NCBP3: variants seen among roughly 807,000 people sequenced by gnomAD.
NCBP3 encodes nuclear cap binding subunit 3.
Under a neutral mutation model 75.7 loss-of-function variants are expected in NCBP3, and 20 were observed. That is an observed-to-expected ratio of 0.26 (90% CI 0.19 to 0.38). The LOEUF (loss-of-function observed/expected upper bound fraction) is 0.38, where lower values mean the gene tolerates loss of function less well. Ranked by LOEUF, NCBP3 falls within the 10% of genes least tolerant of loss-of-function variation. The probability of loss-of-function intolerance (pLI) is 1.00; values close to 1 mark genes in which losing one functional copy is unlikely to be tolerated. For synonymous variants in NCBP3, 293 were observed against 290.5 expected (o/e 1.01, Z -0.09); for missense variants, 678 against 796.9 (o/e 0.85, Z 1.80).
chr17:3,826,784 C>G (rs1567589053), intron 4 of NCBP3, among the ~76,000 whole-genome samples: 1 of 151,758 alleles, frequency 6.6e-6, no homozygotes, highest in African/African-American at 2.4e-5. Context: ...GAGGCCGAGC[C>G]AGGCGGATCA....
intron 12 of NCBP3, 64 bp from the exon 13 acceptor site, chr17:3,813,343 G>A: frequency 6.3e-7 from 1 of 1,583,584 alleles, no homozygotes; most frequent in Non-Finnish European, 8.6e-7. Context: ...AGCACTGAGG[G>A]GGCAGCAGCA....
rs1040936110 is a variant in NCBP3 at position 3,818,467 on chromosome 17, A to G, written c.1106T>C (p.Val369Ala). 6.2e-7 allele frequency: 1 copy of G among 1,613,384 alleles called. No homozygotes were observed. ...EDQDMDADDRVVVEYHEELPA... is the reference protein window; with the variant it reads ...EDQDMDADDRAVVEYHEELPA... ...GAGCTCCTCGTGGTACTCTACCACC[A>G]CTCTGTCATCTGCATCCATGTCCTG... The change falls in exon 10 of 13, where the codon GTG (valine) becomes GCG (alanine). Residue 369 changes from valine (V) to alanine (A), a missense_variant. Transcript: ENST00000389005. The surrounding 1 kb of genome is among the most constrained non-coding windows in gnomAD (Gnocchi z 4.7).
chr17:3,842,473 T>G (rs965891782), intron 2 of NCBP3, among the ~76,000 whole-genome samples: 2 of 152,134 alleles, frequency 1.3e-5, no homozygotes, highest in Non-Finnish European at 2.9e-5. Context: ...TTTTGTTTCA[T>G]TTCAAGTGGA....
Position 3,818,696 on chromosome 17 carries a change from TATCTATAATA to T in NCBP3, c.1001-134_1001-125del, listed in dbSNP as rs763440883. The T allele has an allele frequency of 3.7e-6, 4 of 1,070,756 alleles. No individual in the cohort carries two copies. Among genetic ancestry groups the T allele is most frequent in the Non-Finnish European group, 5.4e-6 (4 of 745,360 alleles). The allele number at this position is 1,070,756 out of a possible 1,614,324, so 66.3% of individuals were successfully genotyped here. A position where few individuals can be genotyped will look rare whatever the true frequency, so the allele number is the denominator to read the frequency against. ...CATCCCTGACATTTTATTGGAGCAC[TATCTATAATA>T]GTGCCAAATGGACATTACTCTGATA... On this transcript the variant is annotated intron_variant, in intron 9 of 12. Transcript: ENST00000389005. The surrounding 1 kb of genome is among the most constrained non-coding windows in gnomAD (Gnocchi z 4.7).
chr17:3,816,466 C>T (rs930860043), intron 10 of NCBP3, among the ~76,000 whole-genome samples, 196 bp from the exon 11 acceptor site: 1 of 152,212 alleles, frequency 6.6e-6, no homozygotes, highest in Admixed American at 6.5e-5. Context: ...GAGACTGGTT[C>T]TGGTGAGCAG....
chr17:3,808,839 G>A lies in NCBP3; in HGVS notation c.*4205C>T, dbSNP rs896775447. 2 of 152,190 alleles carry A rather than the reference G, an allele frequency of 1.3e-5. No individual in the cohort carries two copies. The highest frequency in any genetic ancestry group is 2.4e-5 in the African/African-American group (1 of 41,434). The allele number at this position is 152,190 out of a possible 1,614,324, so 9.4% of individuals were successfully genotyped here. ...TGAATTACTGGGCTCATGCGATCAG[G>A]AGTGTGGAATTTATTCTCGGGGCAA... On this transcript the variant is annotated 3_prime_UTR_variant, in exon 13 of 13. Transcript: ENST00000389005.
At chr17:3,826,890 G>A (rs2053797390) in intron 4 of NCBP3, among the ~76,000 whole-genome samples, 1 of 152,002 alleles carries the variant, frequency 6.6e-6, no homozygotes, top group South Asian at 2.1e-4. Context: ...GCGGGCGCCT[G>A]TGGTCCCAGC....
At chr17:3,845,518 TG>T (rs2054146778) in intron 1 of NCBP3, among the ~76,000 whole-genome samples, 1 of 152,084 alleles carries the variant, frequency 6.6e-6, no homozygotes, top group African/African-American at 2.4e-5. Context: ...GGGGGCAAGA[TG>T]ACCCCGAAGT....
Position 3,829,169 on chromosome 17 carries a change from A to G in NCBP3, c.481+74T>C, listed in dbSNP as rs1041769593. 11 of 1,494,708 alleles carry G rather than the reference A, an allele frequency of 7.4e-6. No homozygotes were observed. The East Asian group carries it at 2.5e-4, about 34-fold the overall frequency. The allele number at this position is 1,494,708 out of a possible 1,614,324, so 92.6% of individuals were successfully genotyped here. On this transcript the variant is annotated intron_variant, in intron 4 of 12. Transcript: ENST00000389005. ...CAAGTAGTATGGGCCAGAACCATTC[A>G]CCATCTCTGATGGCAAGAACTCTTG...
chr17:3,821,239 A>C lies in NCBP3; in HGVS notation c.1000+10T>G. ...ACATGTGTCTACCCAAGAGCTGAGC[A>C]GGCAACTACCAGAATGTCGATGTTT... On this transcript the variant is annotated intron_variant, in intron 9 of 12. Coordinates refer to ENST00000389005, the MANE Select transcript of NCBP3 (RefSeq NM_001114118.3). The C allele has an allele frequency of 6.3e-7, 1 of 1,599,104 alleles. No homozygotes were observed. Among genetic ancestry groups the C allele is most frequent in the Non-Finnish European group, 8.6e-7 (1 of 1,166,542 alleles).
rs1162061095 is a variant in NCBP3, at chr17:3,832,408, C to A, written c.356-3040G>T. On this transcript the variant is annotated intron_variant, in intron 3 of 12. Transcript: ENST00000389005. ...CAGCACTTTGGGAGGCCGGGGCGGG[C>A]AGATCACAAGGTCAGATCGAGACCA... 1.9e-4 allele frequency among the ~76,000 whole-genome samples: 22 copies of A among 117,550 alleles called. 2 individuals are homozygous for A. Among genetic ancestry groups the A allele is most frequent in the African/African-American group, 5.7e-4 (22 of 38,470 alleles). 77.1% of individuals were successfully genotyped at this position (117,550 alleles called of 152,430 possible).
In NCBP3 at chr17:3,809,948, G is replaced by C. The variant is rs2053384269; in HGVS notation, c.*3096C>G. On this transcript the variant is annotated 3_prime_UTR_variant, in exon 13 of 13. Coordinates refer to ENST00000389005, the MANE Select transcript of NCBP3 (RefSeq NM_001114118.3). ...TGATCCCATTTATATGAACTATCCA[G>C]AACAGGCAAATCCACAGAGAGAGAA... is the stretch of plus-strand genomic sequence containing the variant. 6.6e-6 allele frequency: 1 copy of C among 152,150 alleles called. No individual in the cohort carries two copies. Among genetic ancestry groups the C allele is most frequent in the African/African-American group, 2.4e-5 (1 of 41,408 alleles). 9.4% of individuals were successfully genotyped at this position (152,150 alleles called of 1,614,324 possible).
chr17:3,803,735 T>A lies in NCBP3; in HGVS notation c.*9309A>T, dbSNP rs897957141. The A allele has an allele frequency of 2.0e-5, 3 of 152,270 alleles. No individual in the cohort carries two copies. The highest frequency in any genetic ancestry group is 3.9e-4 in the East Asian group (2 of 5,192). The allele number at this position is 152,270 out of a possible 1,614,324, so 9.4% of individuals were successfully genotyped here. On this transcript the variant is annotated 3_prime_UTR_variant, in exon 13 of 13. Transcript: ENST00000389005. ...ATAAAGTTTTAAATATTTTAAAAAA[T>A]TTTTTTCTTTCTCCCCTTGATACCA... is the stretch of plus-strand genomic sequence containing the variant.
At chr17:3,837,936 CT>C (rs2054003214) in intron 3 of NCBP3, among the ~76,000 whole-genome samples, 1 of 151,692 alleles carries the variant, frequency 6.6e-6, no homozygotes. Flanking sequence ...ACCTTACTGC[CT>C]TTTTTAGGAA....
intron 7 of NCBP3, 43 bp downstream of exon 7, chr17:3,824,899 A>T (rs2072715484): frequency 8.8e-7 from 1 of 1,135,094 alleles, no homozygotes; most frequent in Admixed American, 2.4e-5. Context: ...ATAATAAATC[A>T]TTTTGATTGA....
chr17:3,838,542 G>A (rs919637138), intron 3 of NCBP3, among the ~76,000 whole-genome samples: 1 of 152,244 alleles, frequency 6.6e-6, no homozygotes, highest in African/African-American at 2.4e-5. Context: ...AGCTTCCAGA[G>A]TTCAGCTCTG....
intron 11 of NCBP3, among the ~76,000 whole-genome samples, chr17:3,815,498 T>C (rs1210044332): frequency 6.6e-6 from 1 of 152,214 alleles, no homozygotes; most frequent in Non-Finnish European, 1.5e-5. Flanking sequence ...TTCAAACTCT[T>C]AACTGTTCAG....
chr17:3,835,292 T>C (rs1474669049), intron 3 of NCBP3, among the ~76,000 whole-genome samples: 4 of 152,260 alleles, frequency 2.6e-5, no homozygotes, highest in African/African-American at 4.8e-5. Flanking sequence ...ACCTAAGTGC[T>C]TTGGCTGCAT....
At chr17:3,813,401 C>G in intron 12 of NCBP3, 122 bp from the exon 13 acceptor site, 4 of 1,215,220 alleles carry the variant, frequency 3.3e-6, no homozygotes, top group Non-Finnish European at 4.6e-6. Context: ...GTGGAGCCTG[C>G]CACCACAGTG....
Sources: allele counts gnomAD v4.1 joint callset (sites outside exome capture counted in the v4.1 genomes callset), GRCh38; gene constraint gnomAD v4.1.1; non-coding constraint Gnocchi (gnomAD v3.1); transcripts MANE v1.5; gene names NCBI Gene and HGNC (gene_info 2026-07-23, HGNC 2026-07-21).